The following NANOS3 variants were observed in gnomAD, a reference collection of about 807,000 sequenced individuals.
The protein encoded by NANOS3 is nanos homolog 3.
A neutral mutation model predicts 13.8 loss-of-function variants in NANOS3; 11 were observed. The ratio of observed to expected loss-of-function variants is 0.80; its 90% CI spans 0.50 to 1.32. The LOEUF (loss-of-function observed/expected upper bound fraction) is 1.32, where lower values mean the gene tolerates loss of function less well. NANOS3 is among the 40% of genes most tolerant of loss of function. The probability of loss-of-function intolerance (pLI) is 0.00; values close to 1 mark genes in which losing one functional copy is unlikely to be tolerated. For missense variants in NANOS3, 221 were observed against 263.8 expected, an observed-to-expected ratio of 0.84 and a Z score of 1.12; for synonymous variants, 119 against 115.4, an observed-to-expected ratio of 1.03 and a Z score of -0.20.
upstream of NANOS3, among the ~76,000 whole-genome samples, chr19:13,862,805 G>C (rs1976177986): frequency 6.6e-6 from 1 of 152,234 alleles, no homozygotes; most frequent in African/African-American, 2.4e-5. Context: ...CCAAAATGCT[G>C]TGATTACAGG....
At chr19:13,862,372 A>G (rs79253455), upstream of NANOS3, among the ~76,000 whole-genome samples, 2,060 of 152,036 alleles carry the variant, frequency 0.014, 44 homozygotes, top group African/African-American at 0.047. Flanking sequence ...CTGCGCTGAG[A>G]GCTGAGATCA....
chr19:13,869,045 A>G (rs1976284748), intron 1 of NANOS3, among the ~76,000 whole-genome samples: 1 of 152,220 alleles, frequency 6.6e-6, no homozygotes, highest in African/African-American at 2.4e-5. Context: ...TTGGACCTGA[A>G]GCCCCTATTT....
chr19:13,875,893 C>T (rs1201985926), upstream of NANOS3, among the ~76,000 whole-genome samples: 1 of 152,166 alleles, frequency 6.6e-6, no homozygotes, highest in African/African-American at 2.4e-5. Flanking sequence ...CGTCTCTCCT[C>T]TGTGTCCAAG....
chr19:13,870,420 T>C (rs1976308598), intron 1 of NANOS3, among the ~76,000 whole-genome samples: 1 of 151,826 alleles, frequency 6.6e-6, no homozygotes, highest in Non-Finnish European at 1.5e-5. Context: ...CCTCCATCCA[T>C]CCATCCATCC....
Position 13,868,040 on chromosome 19 carries a change from A to AT in NANOS3, n.21+2616dup, listed in dbSNP as rs879515050. Among the ~76,000 whole-genome samples the AT allele has an allele frequency of 1.0e-3, 145 of 141,432 alleles. 1 individual carries two copies. The highest frequency in any genetic ancestry group is 1.4e-3 in the Admixed American group (20 of 14,210). The allele number at this position is 141,432 out of a possible 152,430, so 92.8% of individuals were successfully genotyped here. ...TCTGGATGCCCACAAACCCAATAAT[A>AT]TTTTTTTTTTTTTGGAGACAGAGTC... On this transcript the variant is annotated intron_variant and non_coding_transcript_variant, in intron 1 of 2. Coordinates refer to the NANOS3 transcript ENST00000591161.
intron 1 of NANOS3, among the ~76,000 whole-genome samples, chr19:13,865,677 G>A (rs1391634602): frequency 6.6e-6 from 1 of 151,106 alleles, no homozygotes; most frequent in African/African-American, 2.4e-5. Context: ...GGGGCGCCGG[G>A]AGGGTCGGAC....
chr19:13,866,525 A>G (rs1976244187), intron 1 of NANOS3, among the ~76,000 whole-genome samples: 1 of 152,196 alleles, frequency 6.6e-6, no homozygotes, highest in Admixed American at 6.5e-5. Flanking sequence ...ACACACATAC[A>G]GTCCCCACAA....
In NANOS3 at chr19:13,880,436, C is replaced by T; in HGVS notation, c.518-6C>T. 1 of 1,613,662 alleles carries T rather than the reference C, an allele frequency of 6.2e-7. No homozygotes were observed. The highest frequency in any genetic ancestry group is 8.5e-7 in the Non-Finnish European group (1 of 1,179,616). On this transcript the variant is annotated splice_region_variant and splice_polypyrimidine_tract_variant and intron_variant, in intron 1 of 1. Coordinates refer to ENST00000339133, the MANE Select transcript of NANOS3 (RefSeq NM_001098622.3). ...TTAAGCATTTCTCTCCCTCCCCCTC[C>T]ACTAGGTTTCAGAGGTGCCGGGAAG...
Position 13,877,758 on chromosome 19 carries a change from A to C in NANOS3, c.510A>C (p.Gly170=). 1 of 1,562,102 alleles carries C rather than the reference A, an allele frequency of 6.4e-7. No individual in the cohort carries two copies. The highest frequency in any genetic ancestry group is 1.2e-5 in the South Asian group (1 of 86,164). Residue 170 remains glycine, a synonymous_variant, in exon 1 of 2, where the codon GGA becomes GGC. Transcript: ENST00000339133. ...CAGGCCACCGCCGAGGAGGAGGAGG[A>C]GGAGCAGGTGCCTGCACAGGTGGCT... ...QDTGHRRGGG[G]GAGFRGAGKS... is the part of the protein sequence containing the mutation.
chr19:13,879,727 TAAA>T (rs60370043), intron 1 of NANOS3, among the ~76,000 whole-genome samples: 41 of 141,184 alleles, frequency 2.9e-4, no homozygotes, highest in East Asian at 2.1e-3. Context: ...GACCTCGTCT[TAAA>T]AAAAAAAAAA....
chr19:13,873,889 T>C (rs1420776880), upstream of NANOS3, among the ~76,000 whole-genome samples: 1 of 128,750 alleles, frequency 7.8e-6, no homozygotes, highest in Non-Finnish European at 1.6e-5. Flanking sequence ...TGCGTACCTG[T>C]AGGCCTGGGG....
intron 1 of NANOS3, 101 bp from the exon 2 acceptor site, chr19:13,880,341 G>T (rs763972525): frequency 9.1e-7 from 1 of 1,104,610 alleles, no homozygotes; most frequent in Admixed American, 1.9e-5. Flanking sequence ...CCTGGGTGGC[G>T]CCAGAGGTCC....
chr19:13,877,437 G>A lies in NANOS3; in HGVS notation c.189G>A (p.Gln63=). Residue 63 remains glutamine (Q), a synonymous_variant, in exon 1 of 2, where the codon CAG becomes CAA. Coordinates refer to ENST00000339133, the MANE Select transcript of NANOS3 (RefSeq NM_001098622.3). ...ESVPVPGPKD[Q]KRSLESSPAP... ...TGCCAGTGCCGGGACCCAAGGATCA[G>A]AAGCGCAGCCTGGAGTCCTCGCCAG... 6.2e-7 allele frequency: 1 copy of A among 1,612,154 alleles called. No homozygotes were observed. Among genetic ancestry groups the A allele is most frequent in the South Asian group, 1.1e-5 (1 of 91,092 alleles).
chr19:13,868,664 A>G (rs1976278076), intron 1 of NANOS3, among the ~76,000 whole-genome samples: 1 of 147,100 alleles, frequency 6.8e-6, no homozygotes, highest in Non-Finnish European at 1.5e-5. Flanking sequence ...CCTGGGTGAC[A>G]GCGAGACCTA....
chr19:13,868,491 AGGTGGCAGG>A (rs894657098), intron 1 of NANOS3, among the ~76,000 whole-genome samples: 5 of 151,858 alleles, frequency 3.3e-5, no homozygotes, highest in African/African-American at 1.2e-4. Flanking sequence ...TGGGAGGCCG[AGGTGGCAGG>A]ATCACTTGAG....
At chr19:13,875,161 A>G (rs1968484918), upstream of NANOS3, 2 of 271,124 alleles carry the variant, frequency 7.4e-6, no homozygotes, top group South Asian at 4.2e-5. Context: ...GGGGGTAAAC[A>G]GGCTGGGGCA....
At chr19:13,865,995 C>G (rs974025157) in intron 1 of NANOS3, among the ~76,000 whole-genome samples, 1 of 151,974 alleles carries the variant, frequency 6.6e-6, no homozygotes, top group African/African-American at 2.4e-5. Context: ...GAGACCGATC[C>G]TGGCGGGGGC....
At chr19:13,879,644 C>T (rs1968589581) in intron 1 of NANOS3, among the ~76,000 whole-genome samples, 1 of 151,896 alleles carries the variant, frequency 6.6e-6, no homozygotes, top group Admixed American at 6.6e-5. Context: ...GGGAGGATCG[C>T]TTGGGTCCAG....
chr19:13,868,750 G>A (rs1976280411), intron 1 of NANOS3, among the ~76,000 whole-genome samples: 1 of 151,982 alleles, frequency 6.6e-6, no homozygotes, highest in Non-Finnish European at 1.5e-5. Context: ...AATGGGATGG[G>A]GGGGACACCA....
Sources: allele counts gnomAD v4.1 joint callset (sites outside exome capture counted in the v4.1 genomes callset), GRCh38; gene constraint gnomAD v4.1.1; transcripts MANE v1.5; gene names NCBI Gene and HGNC (gene_info 2026-07-23, HGNC 2026-07-21).